Variants in SEPTIN7 observed in about 807,000 individuals in gnomAD.
SEPTIN7 encodes septin-7.
SEPTIN7 carries 10 observed loss-of-function variants against 63.3 expected under a neutral mutation model. That is an observed-to-expected ratio of 0.16 (90% CI 0.10 to 0.27). SEPTIN7 has a LOEUF of 0.27. SEPTIN7 is among the 10% of genes least tolerant of loss of function. The pLI, the probability that SEPTIN7 is intolerant of heterozygous loss-of-function variation, is 1.00. For synonymous variants in SEPTIN7, 131 were observed against 165.3 expected (o/e 0.79, Z 1.59); for missense variants, 310 against 521.0 (o/e 0.59, Z 3.94).
the SEPTIN7 span, among the ~76,000 whole-genome samples, chr7:35,915,200 G>C: frequency 2.9e-5 from 4 of 137,906 alleles, no homozygotes; most frequent in African/African-American, 1.1e-4. Context: ...ATAAAGGGGT[G>C]GGTCTGGCTA....
intron 12 of SEPTIN7, chr7:35,901,310 G>C (rs143485815): frequency 1.3e-4 from 20 of 152,214 alleles, no homozygotes; most frequent in Admixed American, 4.6e-4. Flanking sequence ...TAGGTCCACA[G>C]TCCTGTTTTT....
downstream of SEPTIN7, among the ~76,000 whole-genome samples, chr7:35,907,544 T>C (rs767336265): frequency 6.6e-6 from 1 of 152,062 alleles, no homozygotes; most frequent in Non-Finnish European, 1.5e-5. Flanking sequence ...TTAAGATGTT[T>C]AGTAGCTTAT....
chr7:35,906,650 T>C lies in SEPTIN7; in HGVS notation c.*2357T>C, dbSNP rs1788619938. On this transcript the variant is annotated 3_prime_UTR_variant, in exon 14 of 14. Coordinates refer to ENST00000350320, the MANE Select transcript of SEPTIN7 (RefSeq NM_001788.6). The stretch of plus-strand genomic sequence containing the variant: ...TGCTGCCACCTAGTGGAATGGGATA[T>C]CATTGCTTCCATATCAGGTTCACAA... The C allele has an allele frequency of 6.6e-6, 1 of 152,216 alleles. No homozygotes were observed. The allele number at this position is 152,216 out of a possible 1,614,324, so 9.4% of individuals were successfully genotyped here. A position where few individuals can be genotyped will look rare whatever the true frequency, so the allele number is the denominator to read the frequency against.
At chr7:35,865,944 C>T (rs575323410) in intron 4 of SEPTIN7, among the ~76,000 whole-genome samples, 63 of 152,260 alleles carry the variant, frequency 4.1e-4, no homozygotes, top group African/African-American at 1.4e-3. Context: ...CAAAAATATC[C>T]TCTTCTGTTG....
chr7:35,890,883 C>A, intron 11 of SEPTIN7, 90 bp downstream of exon 11: 4 of 1,170,608 alleles, frequency 3.4e-6, no homozygotes, highest in East Asian at 3.1e-5. Context: ...TCTGGCTACT[C>A]AGTAGAAAAT....
intron 1 of SEPTIN7, among the ~76,000 whole-genome samples, chr7:35,801,837 A>AGGC (rs1350623263): frequency 2.5e-4 from 38 of 151,158 alleles, no homozygotes; most frequent in East Asian, 2.0e-4. Context: ...GCTGTGGTGG[A>AGGC]GGCGGCGGCG....
chr7:35,844,076 T>C (rs887459850), intron 3 of SEPTIN7, among the ~76,000 whole-genome samples: 2 of 152,170 alleles, frequency 1.3e-5, no homozygotes, highest in Admixed American at 6.5e-5. Context: ...AATTGAATGA[T>C]TAGTAATTAA....
chr7:35,876,976 A>G (rs1178788179), intron 6 of SEPTIN7, among the ~76,000 whole-genome samples: 2 of 152,038 alleles, frequency 1.3e-5, no homozygotes, highest in Non-Finnish European at 2.9e-5. Flanking sequence ...AAAAGAAAAA[A>G]AAATTAGCTG....
downstream of SEPTIN7, among the ~76,000 whole-genome samples, chr7:35,909,643 G>C (rs1477506767): frequency 3.3e-5 from 5 of 152,198 alleles, no homozygotes; most frequent in Non-Finnish European, 7.3e-5. Flanking sequence ...AGTGTTTGTG[G>C]AGTACTTGCT....
At chr7:35,801,421 G>T (rs1248728378) in intron 1 of SEPTIN7, 151 bp downstream of exon 1, 2 of 962,974 alleles carry the variant, frequency 2.1e-6, no homozygotes, top group Non-Finnish European at 2.9e-6. Flanking sequence ...CGGGCCCGGG[G>T]CGCGGCAGCG....
chr7:35,837,530 G>A (rs1375233049), intron 3 of SEPTIN7, among the ~76,000 whole-genome samples: 1 of 152,054 alleles, frequency 6.6e-6, no homozygotes, highest in Non-Finnish European at 1.5e-5. Context: ...TTGGAAGTTT[G>A]AATTGCTGTT....
intron 3 of SEPTIN7, among the ~76,000 whole-genome samples, chr7:35,862,055 G>A (rs141679232): frequency 3.3e-5 from 5 of 152,194 alleles, no homozygotes; most frequent in Admixed American, 1.3e-4. Context: ...TTAGTTTGCC[G>A]TTTTGCTGAT....
chr7:35,902,927 A>T, intron 12 of SEPTIN7, 149 bp from the exon 13 acceptor site: 1 of 1,199,938 alleles, frequency 8.3e-7, no homozygotes, highest in Non-Finnish European at 1.1e-6. Flanking sequence ...GGAGTCCTTG[A>T]CCAGAGTACT....
chr7:35,810,853 A>C (rs1352565965), intron 1 of SEPTIN7, among the ~76,000 whole-genome samples: 1 of 144,174 alleles, frequency 6.9e-6, no homozygotes, highest in Non-Finnish European at 1.5e-5. Flanking sequence ...TGCAACCTCC[A>C]CCTCCCTGGT....
chr7:35,874,305 T>A (rs1189947345), intron 6 of SEPTIN7, among the ~76,000 whole-genome samples: 1 of 152,162 alleles, frequency 6.6e-6, no homozygotes, highest in Admixed American at 6.5e-5. Context: ...AGTACTAATC[T>A]TTTGTTTATT....
chr7:35,880,800 C>T (rs1274258657), intron 7 of SEPTIN7, among the ~76,000 whole-genome samples: 3 of 152,054 alleles, frequency 2.0e-5, no homozygotes, highest in African/African-American at 7.2e-5. Context: ...TGGAAGGCCA[C>T]TAAACTGTTT....
chr7:35,878,579 G>A (rs534545314), intron 6 of SEPTIN7, among the ~76,000 whole-genome samples: 1 of 152,280 alleles, frequency 6.6e-6, no homozygotes, highest in African/African-American at 2.4e-5. Context: ...GATGATTCAT[G>A]TTATAGTTAT....
At chr7:35,850,773 A>G (rs1363175761) in intron 3 of SEPTIN7, among the ~76,000 whole-genome samples, 3 of 152,206 alleles carry the variant, frequency 2.0e-5, no homozygotes, top group African/African-American at 7.2e-5. Context: ...GTAGCATACT[A>G]AGATTTTTAA....
chr7:35,825,273 A>G (rs181394951), intron 1 of SEPTIN7, among the ~76,000 whole-genome samples: 1 of 152,342 alleles, frequency 6.6e-6, no homozygotes, highest in East Asian at 1.9e-4. Context: ...AGTATGGCCA[A>G]CAAAGTCCTT....
Sources: allele counts gnomAD v4.1 joint callset (sites outside exome capture counted in the v4.1 genomes callset), GRCh38; gene constraint gnomAD v4.1.1; transcripts MANE v1.5; gene names NCBI Gene and HGNC (gene_info 2026-07-23, HGNC 2026-07-21).